PCDH9: variants seen among roughly 807,000 people sequenced by gnomAD.
The protein encoded by PCDH9 is protocadherin 9.
Under a neutral mutation model 70.6 loss-of-function variants are expected in PCDH9, and 24 were observed. The observed-to-expected ratio is 0.34, with a 90% CI of 0.25 to 0.48. PCDH9 has a LOEUF of 0.48. Ranked by LOEUF, PCDH9 falls within the 20% of genes least tolerant of loss-of-function variation. The pLI is 0.99. For synonymous variants in PCDH9, 562 were observed against 558.5 expected (o/e 1.01, Z -0.09); for missense variants, 1,281 against 1,503.6 (o/e 0.85, Z 2.45).
intron 4 of PCDH9, among the ~76,000 whole-genome samples, chr13:66,354,244 GT>G (rs1325169673): frequency 2.6e-5 from 4 of 152,168 alleles, no homozygotes; most frequent in Non-Finnish European, 5.9e-5. Context: ...GCAACTGGAA[GT>G]TTCTTTGATA....
At chr13:66,480,070 G>A (rs1958810047) in intron 4 of PCDH9, among the ~76,000 whole-genome samples, 1 of 152,182 alleles carries the variant, frequency 6.6e-6, no homozygotes, top group African/African-American at 2.4e-5. Flanking sequence ...CTTGAAGTCA[G>A]TGAGACCAAG....
At chr13:66,340,946 A>G (rs995680598) in intron 4 of PCDH9, among the ~76,000 whole-genome samples, 1 of 152,206 alleles carries the variant, frequency 6.6e-6, no homozygotes, top group African/African-American at 2.4e-5. Flanking sequence ...ATTATTTAAC[A>G]TAGAAGCCTT....
chr13:66,385,871 G>A (rs1354362397), intron 4 of PCDH9, among the ~76,000 whole-genome samples: 2 of 152,092 alleles, frequency 1.3e-5, no homozygotes, highest in Non-Finnish European at 1.5e-5. Context: ...GGAATAATAT[G>A]TCAATCTTGA....
At chr13:66,752,780 C>T (rs2139230397) in intron 3 of PCDH9, among the ~76,000 whole-genome samples, 1 of 152,274 alleles carries the variant, frequency 6.6e-6, no homozygotes, top group South Asian at 2.1e-4. Flanking sequence ...AAAGAAGGCT[C>T]TAAGGTCCAC....
chr13:66,634,924 G>T (rs1036258507), intron 3 of PCDH9, among the ~76,000 whole-genome samples: 1 of 152,126 alleles, frequency 6.6e-6, no homozygotes, highest in Admixed American at 6.6e-5. Context: ...TTAGTGTGGG[G>T]TGGGAAAGAC....
chr13:66,377,041 A>G (rs1956760519), intron 4 of PCDH9, among the ~76,000 whole-genome samples: 1 of 152,214 alleles, frequency 6.6e-6, no homozygotes, highest in Admixed American at 6.5e-5. Context: ...TGCCCTGCAC[A>G]GAATGTAATA....
chr13:66,860,525 C>T (rs1275285174), intron 3 of PCDH9, among the ~76,000 whole-genome samples: 1 of 152,234 alleles, frequency 6.6e-6, no homozygotes, highest in Admixed American at 6.5e-5. Flanking sequence ...AATTCCAAAG[C>T]TGTCAGCTTG....
chr13:66,760,250 C>T (rs2079603025), intron 3 of PCDH9, among the ~76,000 whole-genome samples: 1 of 152,030 alleles, frequency 6.6e-6, no homozygotes, highest in African/African-American at 2.4e-5. Context: ...ATGTTATTTG[C>T]TTCTTTCTCT....
chr13:66,492,955 G>A (rs1023731165), intron 4 of PCDH9, among the ~76,000 whole-genome samples: 6 of 152,050 alleles, frequency 3.9e-5, no homozygotes, highest in Non-Finnish European at 7.4e-5. Context: ...TATTAATGAG[G>A]TGACTATCCT....
chr13:66,313,716 T>G (rs1179741833), intron 4 of PCDH9, among the ~76,000 whole-genome samples: 5 of 152,182 alleles, frequency 3.3e-5, no homozygotes, highest in Non-Finnish European at 7.3e-5. Context: ...CTCTGACAAT[T>G]TGTACCCAGG....
At chr13:67,169,810 T>A (rs1233332869) in intron 2 of PCDH9, among the ~76,000 whole-genome samples, 2 of 152,230 alleles carry the variant, frequency 1.3e-5, no homozygotes, top group Non-Finnish European at 2.9e-5. Context: ...GCCCTGATTT[T>A]ACTCTTCTGT....
intron 3 of PCDH9, 42 bp downstream of exon 3, chr13:66,903,462 A>T (rs747703292): frequency 4.2e-6 from 3 of 715,996 alleles, no homozygotes; most frequent in South Asian, 3.9e-5. Context: ...GAAAATGAAA[A>T]TTTATCAGTA....
chr13:66,476,215 G>A (rs1268437108), intron 4 of PCDH9, among the ~76,000 whole-genome samples: 1 of 151,994 alleles, frequency 6.6e-6, no homozygotes, highest in Non-Finnish European at 1.5e-5. Context: ...ATGTATCCTA[G>A]AAGTTTGTTT....
At chr13:66,953,329 T>C (rs2139706878) in intron 2 of PCDH9, among the ~76,000 whole-genome samples, 1 of 152,348 alleles carries the variant, frequency 6.6e-6, no homozygotes. Context: ...GTCAGTTATC[T>C]AGCTGGATTT....
chr13:66,634,277 G>A (rs1275067705), intron 3 of PCDH9, among the ~76,000 whole-genome samples: 1 of 152,148 alleles, frequency 6.6e-6, no homozygotes, highest in Non-Finnish European at 1.5e-5. Context: ...TTAAGAATCA[G>A]TACATGGATA....
chr13:66,532,167 GT>G (rs35940776), intron 4 of PCDH9, among the ~76,000 whole-genome samples: 35,163 of 146,896 alleles, frequency 0.24, 4,509 homozygotes, highest in South Asian at 0.35. Context: ...TTTTTTAGTG[GT>G]TTTTTTTTTT....
intron 3 of PCDH9, among the ~76,000 whole-genome samples, chr13:66,812,897 C>A (rs915688875): frequency 9.2e-5 from 14 of 152,156 alleles, no homozygotes; most frequent in Non-Finnish European, 1.6e-4. Flanking sequence ...ATCACAGGCA[C>A]CAACTTGTCC....
intron 2 of PCDH9, among the ~76,000 whole-genome samples, chr13:67,192,765 G>A (rs1338926452): frequency 6.6e-6 from 1 of 152,148 alleles, no homozygotes; most frequent in Non-Finnish European, 1.5e-5. Context: ...AAGAGGGATA[G>A]TCCTTTCTTT....
chr13:66,838,752 T>C (rs1162228479), intron 3 of PCDH9, among the ~76,000 whole-genome samples: 5 of 152,116 alleles, frequency 3.3e-5, no homozygotes, highest in Non-Finnish European at 7.4e-5. Context: ...ATTCTTTTTT[T>C]CATTTAAAAG....
Sources: allele counts gnomAD v4.1 joint callset (sites outside exome capture counted in the v4.1 genomes callset), GRCh38; gene constraint gnomAD v4.1.1; transcripts MANE v1.5; gene names NCBI Gene and HGNC (gene_info 2026-07-23, HGNC 2026-07-21).